Variants in GRIK2 observed in about 807,000 individuals in gnomAD.
GRIK2 encodes glutamate receptor ionotropic, kainate 2.
Under a neutral mutation model 100.3 loss-of-function variants are expected in GRIK2, and 32 were observed. The observed-to-expected ratio is 0.32, with a 90% CI of 0.24 to 0.43. The LOEUF (loss-of-function observed/expected upper bound fraction) is 0.43, where lower values mean the gene tolerates loss of function less well. GRIK2 is among the 20% of genes least tolerant of loss of function. The pLI, the probability that GRIK2 is intolerant of heterozygous loss-of-function variation, is 1.00. For synonymous variants in GRIK2, 417 were observed against 389.4 expected, an observed-to-expected ratio of 1.07 and a Z score of -0.83; for missense variants, 843 against 1,114.9, an observed-to-expected ratio of 0.76 and a Z score of 3.47.
intron 10 of GRIK2, among the ~76,000 whole-genome samples, chr6:101,849,862 G>GAA (rs35599515): frequency 2.3e-4 from 25 of 108,656 alleles, no homozygotes; most frequent in Non-Finnish European, 3.6e-4. Flanking sequence ...GTTCATTAAG[G>GAA]AAAAAAAAAG....
chr6:101,608,854 A>G (rs1779555694), intron 2 of GRIK2, among the ~76,000 whole-genome samples: 1 of 151,234 alleles, frequency 6.6e-6, no homozygotes, highest in Non-Finnish European at 1.5e-5. Context: ...TCCACCCTGA[A>G]CACACAAAGT....
chr6:101,947,275 G>A (rs1002445639), intron 14 of GRIK2, among the ~76,000 whole-genome samples: 3 of 152,018 alleles, frequency 2.0e-5, no homozygotes, highest in Admixed American at 1.3e-4. Context: ...CATTTTTAGT[G>A]TGAATTATAG....
intron 8 of GRIK2, among the ~76,000 whole-genome samples, chr6:101,800,866 C>A (rs1242501091): frequency 6.6e-6 from 1 of 151,754 alleles, no homozygotes; most frequent in African/African-American, 2.4e-5. Flanking sequence ...GTCAAGCAGC[C>A]CTAAAAGAAG....
chr6:101,738,447 C>T (rs942054490), intron 7 of GRIK2, among the ~76,000 whole-genome samples: 1 of 152,126 alleles, frequency 6.6e-6, no homozygotes, highest in African/African-American at 2.4e-5. Context: ...AGACTTTGTA[C>T]TTAGATACTA....
chr6:101,754,243 A>G lies in GRIK2; in HGVS notation c.952-45405A>G, dbSNP rs565689342. The stretch of plus-strand genomic sequence containing the variant: ...CATATGATGTAATTAGCTTTTACAA[A>G]TGTTAAACACAATCTTATTCCAAAA... On this transcript the variant is annotated intron_variant, in intron 7 of 16. Transcript: ENST00000369134. 1.2e-4 allele frequency among the ~76,000 whole-genome samples: 18 copies of G among 152,314 alleles called. No homozygotes were observed. In the South Asian group the frequency reaches 3.7e-3, roughly 32 times the overall value.
intron 2 of GRIK2, among the ~76,000 whole-genome samples, chr6:101,451,549 C>G (rs890885701): frequency 5.3e-5 from 8 of 151,320 alleles, no homozygotes; most frequent in Non-Finnish European, 1.5e-5. Flanking sequence ...ATTAACCATA[C>G]AAAAGCCACC....
At chr6:101,422,469 C>T (rs1776455918) in intron 2 of GRIK2, among the ~76,000 whole-genome samples, 1 of 152,074 alleles carries the variant, frequency 6.6e-6, no homozygotes, top group Non-Finnish European at 1.5e-5. Flanking sequence ...GCCAGAGTCT[C>T]CTCCTTGGGG....
intron 7 of GRIK2, among the ~76,000 whole-genome samples, chr6:101,729,131 G>A (rs1412902592): frequency 6.6e-6 from 1 of 152,006 alleles, no homozygotes. Flanking sequence ...GGCAGCTAGA[G>A]TAGAGTTGGC....
At chr6:101,633,617 CTTGT>C (rs1351619388) in intron 4 of GRIK2, among the ~76,000 whole-genome samples, 5 of 151,994 alleles carry the variant, frequency 3.3e-5, no homozygotes, top group Admixed American at 2.6e-4. Flanking sequence ...GAAATTGATG[CTTGT>C]TTATTATAGG....
At chr6:101,905,488 G>A (rs1788157220) in intron 12 of GRIK2, among the ~76,000 whole-genome samples, 1 of 151,470 alleles carries the variant, frequency 6.6e-6, no homozygotes, top group Non-Finnish European at 1.5e-5. Flanking sequence ...GTTTCTTAAA[G>A]TTAGTAAAGT....
In GRIK2 at chr6:101,677,547, G is replaced by T. The variant is rs1207133021; in HGVS notation, c.723+743G>T. Among the ~76,000 whole-genome samples, 23 of 152,240 alleles carry T rather than the reference G, an allele frequency of 1.5e-4. 1 individual carries two copies. The South Asian group carries it at 2.7e-3, about 18-fold the overall frequency. ...AACTGGAAAACAGAAATTATTATCA[G>T]TCCATATCTTACAGATGAAGGAACT... On this transcript the variant is annotated intron_variant, in intron 5 of 16. Transcript: ENST00000369134.
intron 16 of GRIK2, among the ~76,000 whole-genome samples, chr6:102,066,602 G>T (rs1428548710): frequency 6.6e-6 from 1 of 151,352 alleles, no homozygotes; most frequent in Non-Finnish European, 1.5e-5. Context: ...ACTCAGCAGG[G>T]TACCAGAACA....
At chr6:101,696,355 C>T (rs1486226653) in intron 7 of GRIK2, among the ~76,000 whole-genome samples, 3 of 151,450 alleles carry the variant, frequency 2.0e-5, no homozygotes, top group South Asian at 2.1e-4. Flanking sequence ...TAAATATATA[C>T]CTCAGTAGAT....
chr6:101,855,287 T>C (rs2128441552), intron 10 of GRIK2, among the ~76,000 whole-genome samples: 1 of 152,286 alleles, frequency 6.6e-6, no homozygotes, highest in Admixed American at 6.5e-5. Context: ...TCCTCTATAC[T>C]CATGGGTTTA....
Position 101,749,825 on chromosome 6 carries a change from T to TTG in GRIK2, c.952-49818_952-49817dup, listed in dbSNP as rs199682657. Reference sequence around the variant, plus strand: ...TTTCTTTTTTTTTTTTTTTTTTTTTTTGTGTGAGACAGGGTCTTACTCTGA... The same window carrying TTG: ...TTTCTTTTTTTTTTTTTTTTTTTTTTTGTGTGTGAGACAGGGTCTTACTCTGA... On this transcript the variant is annotated intron_variant, in intron 7 of 16. Coordinates refer to ENST00000369134, the MANE Select transcript of GRIK2 (RefSeq NM_021956.5). Among the ~76,000 whole-genome samples the TTG allele has an allele frequency of 1.1e-3, 156 of 138,074 alleles. 2 individuals are homozygous for TTG. The highest frequency in any genetic ancestry group is 7.6e-3 in the Middle Eastern group (2 of 264). 90.6% of individuals were successfully genotyped at this position (138,074 alleles called of 152,430 possible).
At chr6:101,728,734 A>G (rs1037742288) in intron 7 of GRIK2, among the ~76,000 whole-genome samples, 2 of 152,060 alleles carry the variant, frequency 1.3e-5, no homozygotes, top group African/African-American at 4.8e-5. Context: ...AATATCTATG[A>G]CAAGTGTAAT....
At chr6:101,549,563 A>T (rs2128291931) in intron 2 of GRIK2, among the ~76,000 whole-genome samples, 1 of 152,026 alleles carries the variant, frequency 6.6e-6, no homozygotes, top group East Asian at 1.9e-4. Context: ...TTTTTATTTA[A>T]TTTTATCTGA....
intron 12 of GRIK2, among the ~76,000 whole-genome samples, chr6:101,899,790 C>T (rs988256900): frequency 3.9e-5 from 6 of 152,072 alleles, no homozygotes; most frequent in Non-Finnish European, 1.5e-5. Context: ...AGGGCTACAA[C>T]TGTCATCTAA....
intron 4 of GRIK2, among the ~76,000 whole-genome samples, chr6:101,643,212 A>G (rs529837548): frequency 6.6e-6 from 1 of 151,406 alleles, no homozygotes; most frequent in South Asian, 2.1e-4. Context: ...TTTGATGCAA[A>G]TTTTTAAATT....
Sources: allele counts gnomAD v4.1 joint callset (sites outside exome capture counted in the v4.1 genomes callset), GRCh38; gene constraint gnomAD v4.1.1; transcripts MANE v1.5; gene names NCBI Gene and HGNC (gene_info 2026-07-23, HGNC 2026-07-21).